CPNE8: variants seen among roughly 807,000 people sequenced by gnomAD.
CPNE8 encodes copine-8.
A neutral mutation model predicts 81.5 loss-of-function variants in CPNE8; 45 were observed. The observed-to-expected ratio is 0.55, with a 90% confidence interval of 0.44 to 0.71. CPNE8 has a LOEUF of 0.71. Among genes scored for constraint, CPNE8 ranks in the 30% least tolerant of loss-of-function variants. The pLI, the probability that CPNE8 is intolerant of heterozygous loss-of-function variation, is 0.00. For synonymous variants in CPNE8, 252 were observed against 226.3 expected, an observed-to-expected ratio of 1.11 and a Z score of -1.02; for missense variants, 594 against 672.1, an observed-to-expected ratio of 0.88 and a Z score of 1.28.
chr12:38,906,006 C>T, upstream of CPNE8: 2 of 990,470 alleles, frequency 2.0e-6, no homozygotes, highest in South Asian at 4.6e-5. Flanking sequence ...GCCGCGACAG[C>T]TTCCTTCTGT....
rs1365502910 is a variant in CPNE8, at chr12:38,696,721, A to G, written c.962-2883T>C. Among the ~76,000 whole-genome samples the G allele has an allele frequency of 2.0e-5, 3 of 152,184 alleles. No individual in the cohort carries two copies. The East Asian group carries it at 5.8e-4, about 29-fold the overall frequency. Reference sequence around the variant, plus strand: ...TATTTTTAAGAGTTTATTGAGACATAATGGCATAAGTTACGTATTAACCAT... The same window carrying G: ...TATTTTTAAGAGTTTATTGAGACATGATGGCATAAGTTACGTATTAACCAT... On this transcript the variant is annotated intron_variant, in intron 14 of 19. Coordinates refer to ENST00000331366, the MANE Select transcript of CPNE8 (RefSeq NM_153634.3).
rs964291406 is a variant in CPNE8 at position 38,848,277 on chromosome 12, T to C, written c.290+282A>G. ...GAGTGGATGTGATAACTTTGGAGTA[T>C]ACATAGAACTTGTAGGAAATCCACT... is the stretch of plus-strand genomic sequence containing the variant. On this transcript the variant is annotated intron_variant, in intron 4 of 19. Coordinates refer to ENST00000331366, the MANE Select transcript of CPNE8 (RefSeq NM_153634.3). Among the ~76,000 whole-genome samples, 9 of 152,110 alleles carry C rather than the reference T, an allele frequency of 5.9e-5. No individual in the cohort carries two copies. The East Asian group carries it at 1.2e-3, about 20-fold the overall frequency.
At chr12:38,800,126 CAGGAAGCT>C (rs1942622606) in intron 6 of CPNE8, among the ~76,000 whole-genome samples, 1 of 128,100 alleles carries the variant, frequency 7.8e-6, no homozygotes, top group Non-Finnish European at 1.7e-5. Context: ...ACAAAGCAGC[CAGGAAGCT>C]CGAACTGGGT....
chr12:38,858,959 CA>C (rs1417504223), intron 3 of CPNE8, among the ~76,000 whole-genome samples: 2 of 152,166 alleles, frequency 1.3e-5, no homozygotes, highest in Non-Finnish European at 2.9e-5. Context: ...CTGAACATGT[CA>C]AAACCATATA....
intron 19 of CPNE8, among the ~76,000 whole-genome samples, chr12:38,659,919 A>G (rs1045748915): frequency 1.3e-5 from 2 of 152,186 alleles, no homozygotes; most frequent in Non-Finnish European, 2.9e-5. Flanking sequence ...GATGTGAAGG[A>G]CCTCTTCAAG....
chr12:38,696,373 A>T (rs937576190), intron 14 of CPNE8, among the ~76,000 whole-genome samples: 3 of 90,596 alleles, frequency 3.3e-5, no homozygotes, highest in African/African-American at 1.2e-4. Context: ...GTTCTATACT[A>T]AAAAAAAAAA....
chr12:38,772,086 A>T (rs1157670188), intron 7 of CPNE8, among the ~76,000 whole-genome samples: 2 of 152,146 alleles, frequency 1.3e-5, no homozygotes, highest in African/African-American at 2.4e-5. Flanking sequence ...GAATGAGTTC[A>T]TTCTATTAAG....
At chr12:38,883,935 C>T (rs927925066) in intron 1 of CPNE8, among the ~76,000 whole-genome samples, 66 of 152,160 alleles carry the variant, frequency 4.3e-4, no homozygotes, top group African/African-American at 1.5e-3. Flanking sequence ...GTCCCTAGGC[C>T]TACGGCACCA....
At chr12:38,663,278 CA>C (rs1310944051) in intron 19 of CPNE8, among the ~76,000 whole-genome samples, 4 of 151,284 alleles carry the variant, frequency 2.6e-5, no homozygotes, top group East Asian at 1.9e-4. Flanking sequence ...AAAACAAAAA[CA>C]AAAAACAAAA....
intron 10 of CPNE8, among the ~76,000 whole-genome samples, chr12:38,756,744 A>C (rs1941468800): frequency 6.6e-6 from 1 of 152,202 alleles, no homozygotes; most frequent in Non-Finnish European, 1.5e-5. Context: ...ATTTCATCTG[A>C]TATAAAGTTA....
intron 1 of CPNE8, among the ~76,000 whole-genome samples, chr12:38,905,141 C>A (rs1944549585): frequency 1.3e-5 from 2 of 152,162 alleles, no homozygotes; most frequent in Non-Finnish European, 2.9e-5. Context: ...GGCGGAAAAC[C>A]GGCTTGTAAA....
intron 10 of CPNE8, among the ~76,000 whole-genome samples, chr12:38,731,265 A>C (rs946054055): frequency 2.6e-5 from 4 of 151,974 alleles, no homozygotes; most frequent in African/African-American, 9.7e-5. Context: ...AGCCATTTGT[A>C]TAATAGAATT....
At chr12:38,833,717 A>G (rs994158229) in intron 5 of CPNE8, among the ~76,000 whole-genome samples, 11 of 151,972 alleles carry the variant, frequency 7.2e-5, no homozygotes, top group Non-Finnish European at 1.5e-4. Context: ...TGACCTCGTG[A>G]TCTGCCCGCC....
intron 9 of CPNE8, among the ~76,000 whole-genome samples, chr12:38,761,210 T>G (rs1392962047): frequency 1.3e-5 from 2 of 152,150 alleles, no homozygotes; most frequent in Non-Finnish European, 2.9e-5. Flanking sequence ...GGAGCAGTGT[T>G]TCTCAAACTC....
chr12:38,656,595 T>C (rs77478799), intron 19 of CPNE8, among the ~76,000 whole-genome samples: 2,541 of 152,316 alleles, frequency 0.017, 51 homozygotes, highest in African/African-American at 0.057. Flanking sequence ...CTGGTTCTGC[T>C]GCCTGTTGCC....
intron 4 of CPNE8, among the ~76,000 whole-genome samples, chr12:38,841,328 C>A (rs544977940): frequency 1.3e-5 from 2 of 152,240 alleles, no homozygotes; most frequent in East Asian, 3.9e-4. Context: ...TTTCTTGCCT[C>A]ACCTTCTCTT....
At chr12:38,877,360 C>G (rs1443454594) in intron 1 of CPNE8, among the ~76,000 whole-genome samples, 1 of 151,946 alleles carries the variant, frequency 6.6e-6, no homozygotes, top group African/African-American at 2.4e-5. Context: ...TAAAAATAAA[C>G]ATACACACAC....
At chr12:38,829,297 A>G in intron 6 of CPNE8, 82 bp downstream of exon 6, 1 of 899,146 alleles carries the variant, frequency 1.1e-6, no homozygotes, top group South Asian at 1.4e-5. Flanking sequence ...TTGCTCCACA[A>G]CCATGCATTC....
chr12:38,713,707 T>C (rs1940318107), intron 13 of CPNE8, among the ~76,000 whole-genome samples: 1 of 152,178 alleles, frequency 6.6e-6, no homozygotes, highest in Admixed American at 6.5e-5. Flanking sequence ...TTCAGACCTA[T>C]AAAAATATTT....
Sources: gnomAD v4.1 joint callset for allele counts (sites outside exome capture counted in the v4.1 genomes callset) on GRCh38, gnomAD v4.1.1 for gene constraint, MANE v1.5 for transcripts, NCBI Gene and HGNC (gene_info 2026-07-23, HGNC 2026-07-21) for gene names.